UTP18: variants seen among roughly 807,000 people sequenced by gnomAD.
The protein encoded by UTP18 is UTP18 small subunit processome component, also known as U3 small nucleolar RNA-associated protein 18 homolog.
In UTP18, 36 loss-of-function variants were observed where a neutral mutation model predicts 61.1. That is an observed-to-expected ratio of 0.59 (90% CI 0.45 to 0.78). UTP18 has a LOEUF of 0.78. Among genes scored for constraint, UTP18 ranks in the 30% least tolerant of loss-of-function variants. The pLI is 0.00. For synonymous variants in UTP18, 282 were observed against 251.1 expected, an observed-to-expected ratio of 1.12 and a Z score of -1.16; for missense variants, 753 against 693.9, an observed-to-expected ratio of 1.09 and a Z score of -0.96.
In UTP18 at chr17:51,268,909, G is replaced by A. The variant is rs767362999; in HGVS notation, c.622+5G>A. The A allele has an allele frequency of 1.2e-6, 2 of 1,613,354 alleles. No homozygotes were observed. The highest frequency in any genetic ancestry group is 1.7e-6 in the Non-Finnish European group (2 of 1,179,456). ...AGCGGAAAACATCTTCAGATGGTGA[G>A]CGTTGATATTTCTGTTTAAATTAGT... is the stretch of plus-strand genomic sequence containing the variant. On this transcript the variant is annotated splice_donor_5th_base_variant and intron_variant, in intron 4 of 13. Transcript: ENST00000225298.
chr17:51,276,580 T>A (rs1393040034), intron 6 of UTP18, among the ~76,000 whole-genome samples: 1 of 152,174 alleles, frequency 6.6e-6, no homozygotes, highest in African/African-American at 2.4e-5. Context: ...ACATTGATGG[T>A]TTCTTGGGTT....
intron 12 of UTP18, among the ~76,000 whole-genome samples, chr17:51,294,876 C>CT (rs1214994841): frequency 6.6e-6 from 1 of 152,118 alleles, no homozygotes; most frequent in Admixed American, 6.5e-5. Flanking sequence ...TGTTTCCTGA[C>CT]TTTTTAATGA....
chr17:51,294,631 T>C (rs1228002469), intron 12 of UTP18, among the ~76,000 whole-genome samples: 2 of 152,114 alleles, frequency 1.3e-5, no homozygotes, highest in Non-Finnish European at 2.9e-5. Flanking sequence ...CCAAGTCTTT[T>C]CTATTGTGAA....
intron 2 of UTP18, among the ~76,000 whole-genome samples, chr17:51,264,223 G>GAC (rs1381652716): frequency 6.6e-6 from 1 of 151,880 alleles, no homozygotes; most frequent in African/African-American, 2.4e-5. Context: ...TTTTAGTAGA[G>GAC]ACAGAGTTAG....
chr17:51,279,204 C>A (rs866805687), intron 7 of UTP18, among the ~76,000 whole-genome samples: 2 of 152,188 alleles, frequency 1.3e-5, no homozygotes, highest in Non-Finnish European at 2.9e-5. Context: ...CTCTGTCTCC[C>A]TGTCTTCCTG....
rs1445413411 is a variant in UTP18, at chr17:51,293,973, A to G, written c.1574A>G (p.His525Arg). ...VIKNKNISHV[H>R]TMDFSPRSGY... ...AAAAATAAGAATATTTCTCATGTTC[A>G]TACCATGGATTTTTCTCCGAGAAGT... Residue 525 changes from histidine (H) to arginine (R), a missense_variant, in exon 12 of 14, where the codon CAT (histidine) becomes CGT (arginine). Physicochemically the swap from His to Arg is conservative, Grantham distance 29 (BLOSUM62 0). Coordinates refer to ENST00000225298, the MANE Select transcript of UTP18 (RefSeq NM_016001.3). The G allele has an allele frequency of 1.2e-6, 2 of 1,610,944 alleles. No individual in the cohort carries two copies. Among genetic ancestry groups the G allele is most frequent in the Non-Finnish European group, 1.7e-6 (2 of 1,178,456 alleles).
At chr17:51,295,293 G>A (rs1261587591) in intron 12 of UTP18, among the ~76,000 whole-genome samples, 1 of 152,006 alleles carries the variant, frequency 6.6e-6, no homozygotes, top group Non-Finnish European at 1.5e-5. Flanking sequence ...GTCCTGAATG[G>A]TATTGCCTAG....
intron 2 of UTP18, among the ~76,000 whole-genome samples, chr17:51,263,621 A>C (rs1406881499): frequency 1.3e-5 from 2 of 152,166 alleles, no homozygotes; most frequent in African/African-American, 4.8e-5. Flanking sequence ...AGCTAAGAGA[A>C]TACAGTGTTT....
In UTP18 at chr17:51,280,248, T is replaced by C. The variant is rs1032205174; in HGVS notation, c.1114-141T>C. 6 of 1,276,410 alleles carry C rather than the reference T, an allele frequency of 4.7e-6. No individual in the cohort carries two copies. In the African/African-American group the frequency reaches 7.5e-5, roughly 16 times the overall value. 79.1% of individuals were successfully genotyped at this position (1,276,410 alleles called of 1,614,324 possible). On this transcript the variant is annotated intron_variant, in intron 8 of 13. Coordinates refer to ENST00000225298, the MANE Select transcript of UTP18 (RefSeq NM_016001.3). ...GGACTTGGAGAGAAGTTGTGGGCAG[T>C]TGGGGGAGAGCTTTTGATTACAGGG...
intron 5 of UTP18, among the ~76,000 whole-genome samples, chr17:51,274,414 ATC>A (rs1567701180): frequency 2.0e-5 from 3 of 152,126 alleles, no homozygotes; most frequent in African/African-American, 7.2e-5. Context: ...ATATTAACAG[ATC>A]TCTCTGTGAC....
intron 11 of UTP18, among the ~76,000 whole-genome samples, chr17:51,289,429 G>A (rs1382939214): frequency 6.7e-6 from 1 of 148,244 alleles, no homozygotes. Flanking sequence ...GGCTGGTCTC[G>A]AACTCCCGAC....
At chr17:51,291,059 G>A (rs529644302) in intron 11 of UTP18, among the ~76,000 whole-genome samples, 5 of 152,284 alleles carry the variant, frequency 3.3e-5, no homozygotes, top group African/African-American at 1.2e-4. Flanking sequence ...GCTTTTACTT[G>A]TTGAATTTTG....
chr17:51,272,980 A>G (rs7213331), intron 4 of UTP18, among the ~76,000 whole-genome samples: 22,123 of 152,234 alleles, frequency 0.15, 3,005 homozygotes, highest in African/African-American at 0.36. Flanking sequence ...GTGAGTTGTT[A>G]AACTAGATCA....
intron 9 of UTP18, among the ~76,000 whole-genome samples, chr17:51,284,679 C>T (rs1474631897): frequency 6.6e-6 from 1 of 152,110 alleles, no homozygotes; most frequent in Non-Finnish European, 1.5e-5. Flanking sequence ...AAACCAACAG[C>T]TTGTGATTTT....
rs370069462 is a variant in UTP18 at position 51,280,113 on chromosome 17, A to G, written c.1113+8A>G. On this transcript the variant is annotated splice_region_variant and intron_variant, in intron 8 of 13. Transcript: ENST00000225298. Reference sequence around the variant, plus strand: ...CATTTGCTAGCAATGAAGGTAAAGCATTATTATTGCTTCTTGTTCTTCTCC... The same window carrying G: ...CATTTGCTAGCAATGAAGGTAAAGCGTTATTATTGCTTCTTGTTCTTCTCC... 50 of 1,610,894 alleles carry G rather than the reference A, an allele frequency of 3.1e-5. No homozygotes were observed. In the African/African-American group the frequency reaches 5.3e-4, roughly 17 times the overall value.
At chr17:51,280,654 AAG>A (rs1414199840) in intron 9 of UTP18, among the ~76,000 whole-genome samples, 175 bp downstream of exon 9, 1 of 151,932 alleles carries the variant, frequency 6.6e-6, no homozygotes, top group Non-Finnish European at 1.5e-5. Context: ...CTCTACTAAA[AAG>A]AAAAAAAGTA....
intron 4 of UTP18, among the ~76,000 whole-genome samples, chr17:51,270,528 C>G (rs1904493781): frequency 6.6e-6 from 1 of 152,182 alleles, no homozygotes; most frequent in Admixed American, 6.5e-5. Context: ...GTGGCATAAT[C>G]CAATTGAAGT....
chr17:51,279,109 CAT>C (rs1904826638), intron 7 of UTP18, among the ~76,000 whole-genome samples: 2 of 152,136 alleles, frequency 1.3e-5, no homozygotes, highest in Non-Finnish European at 2.9e-5. Flanking sequence ...AAAATATAGA[CAT>C]ATATTTTTGA....
In UTP18 at chr17:51,293,962, T is replaced by G. The variant is rs1905296352; in HGVS notation, c.1563T>G (p.Ile521Met). ...SNFPVIKNKN[I>M]SHVHTMDFSP... is the part of the protein sequence containing the mutation. ...TCCCAGTCATTAAAAATAAGAATAT[T>G]TCTCATGTTCATACCATGGATTTTT... The change falls in exon 12 of 14, where the codon ATT (isoleucine) becomes ATG (methionine). Residue 521 changes from isoleucine (I) to methionine (M), a missense_variant. Coordinates refer to ENST00000225298, the MANE Select transcript of UTP18 (RefSeq NM_016001.3). 1 of 1,609,094 alleles carries G rather than the reference T, an allele frequency of 6.2e-7. No homozygotes were observed. Among genetic ancestry groups the G allele is most frequent in the Non-Finnish European group, 8.5e-7 (1 of 1,177,510 alleles).
Sources: allele counts gnomAD v4.1 joint callset (sites outside exome capture counted in the v4.1 genomes callset), GRCh38; gene constraint gnomAD v4.1.1; transcripts MANE v1.5; gene names NCBI Gene and HGNC (gene_info 2026-07-23, HGNC 2026-07-21).